The following GALNTL6 variants were observed in gnomAD, a reference collection of about 807,000 sequenced individuals.
The protein encoded by GALNTL6 is polypeptide N-acetylgalactosaminyltransferase like 6.
Under a neutral mutation model 73.7 loss-of-function variants are expected in GALNTL6, and 46 were observed. The ratio of observed to expected loss-of-function variants is 0.62; its 90% CI spans 0.49 to 0.80. GALNTL6 has a LOEUF of 0.80. Ranked by LOEUF, GALNTL6 falls within the 30% of genes least tolerant of loss-of-function variation. GALNTL6 has a pLI of 0.00. For missense variants in GALNTL6, 604 were observed against 755.0 expected, an observed-to-expected ratio of 0.80 and a Z score of 2.34; for synonymous variants, 259 against 263.7, an observed-to-expected ratio of 0.98 and a Z score of 0.17.
Position 171,906,202 on chromosome 4 carries a change from G to T in GALNTL6, c.138+91484G>T, listed in dbSNP as rs1185632525. Among the ~76,000 whole-genome samples the T allele has an allele frequency of 2.0e-5, 3 of 147,672 alleles. No homozygotes were observed. In the East Asian group the frequency reaches 5.9e-4, roughly 29 times the overall value. ...ACCCTTCAAAAAATTAATGAATCCA[G>T]GAGCTGGTTTTTTGAAAGGATCAAC... On this transcript the variant is annotated intron_variant, in intron 2 of 12. Transcript: ENST00000506823.
At chr4:172,284,799 A>G (rs1009349079) in intron 3 of GALNTL6, among the ~76,000 whole-genome samples, 2 of 152,066 alleles carry the variant, frequency 1.3e-5, no homozygotes, top group Non-Finnish European at 2.9e-5. Flanking sequence ...CTGGCTGTGG[A>G]TATGTGGCTT....
rs572230852 is a variant in GALNTL6, at chr4:172,106,533, AACATGT to A, written c.139-123122_139-123117del. ...GGAGATTTTGTGCTATATTGGTACT[AACATGT>A]CAAAGGAAATATAGAACCCTCTTGA... is the stretch of plus-strand genomic sequence containing the variant. On this transcript the variant is annotated intron_variant, in intron 2 of 12. Coordinates refer to ENST00000506823, the MANE Select transcript of GALNTL6 (RefSeq NM_001034845.3). Among the ~76,000 whole-genome samples, 176 of 152,316 alleles carry A rather than the reference AACATGT, an allele frequency of 1.2e-3. 1 individual carries two copies. Among genetic ancestry groups the A allele is most frequent in the African/African-American group, 4.1e-3 (171 of 41,584 alleles).
intron 2 of GALNTL6, among the ~76,000 whole-genome samples, chr4:172,015,746 T>C (rs1311425668): frequency 6.6e-6 from 1 of 151,946 alleles, no homozygotes; most frequent in African/African-American, 2.4e-5. Flanking sequence ...AGTGATGAAT[T>C]CCCTCAGCAT....
chr4:172,435,972 T>C (rs1421331438), intron 5 of GALNTL6, among the ~76,000 whole-genome samples: 1 of 147,468 alleles, frequency 6.8e-6, no homozygotes, highest in Non-Finnish European at 1.5e-5. Flanking sequence ...GAAGGTTTCC[T>C]TTTGGTTGTG....
At chr4:172,949,598 T>TA (rs1352391227) in intron 9 of GALNTL6, among the ~76,000 whole-genome samples, 1 of 152,042 alleles carries the variant, frequency 6.6e-6, no homozygotes, top group Non-Finnish European at 1.5e-5. Context: ...AGTTTTTTTT[T>TA]ATTCTAATCC....
intron 3 of GALNTL6, among the ~76,000 whole-genome samples, chr4:172,278,944 G>T (rs569339030): frequency 1.3e-5 from 2 of 152,198 alleles, no homozygotes; most frequent in South Asian, 4.1e-4. Flanking sequence ...TTCAACAAGG[G>T]TGCCAAGAGT....
chr4:173,015,329 G>C (rs926581382), intron 11 of GALNTL6, among the ~76,000 whole-genome samples: 1 of 152,134 alleles, frequency 6.6e-6, no homozygotes, highest in Non-Finnish European at 1.5e-5. Flanking sequence ...GTAACAGACA[G>C]AGGTTGGAAC....
At chr4:172,269,979 G>A (rs181448808) in intron 3 of GALNTL6, among the ~76,000 whole-genome samples, 1 of 151,972 alleles carries the variant, frequency 6.6e-6, no homozygotes, top group Admixed American at 6.6e-5. Flanking sequence ...CAAGTAATCC[G>A]CCCACCTCGG....
intron 7 of GALNTL6, among the ~76,000 whole-genome samples, chr4:172,866,982 T>G (rs1744696554): frequency 6.6e-6 from 1 of 152,070 alleles, no homozygotes; most frequent in Middle Eastern, 3.2e-3. Context: ...TAGGTTAGAG[T>G]GGAATAGCAA....
chr4:172,433,735 A>G (rs999633426), intron 5 of GALNTL6, among the ~76,000 whole-genome samples: 1 of 151,586 alleles, frequency 6.6e-6, no homozygotes, highest in East Asian at 1.9e-4. Flanking sequence ...ACATCCTTCC[A>G]TTGGGTTATT....
chr4:172,354,856 T>C (rs1381314770), intron 5 of GALNTL6, among the ~76,000 whole-genome samples: 3 of 152,128 alleles, frequency 2.0e-5, no homozygotes, highest in Non-Finnish European at 4.4e-5. Flanking sequence ...TAGTTATATA[T>C]CCTTATTGAG....
At chr4:172,579,788 AGGAAGGAAGGAGGGAAGGAAGGAG>A (rs35672538) in intron 5 of GALNTL6, among the ~76,000 whole-genome samples, 1,670 of 127,070 alleles carry the variant, frequency 0.013, 12 homozygotes, top group African/African-American at 0.028. Context: ...TAAATGAGGA[AGGAAGGAAGGAGGGAAGGAAGGAG>A]GGAAGGAAGG....
chr4:172,812,053 GAT>G (rs1741336980), intron 6 of GALNTL6, among the ~76,000 whole-genome samples: 1 of 136,012 alleles, frequency 7.4e-6, no homozygotes, highest in East Asian at 2.2e-4. Context: ...TGGATGGATG[GAT>G]GGATGAACAG....
At chr4:172,172,003 C>T (rs1045438670) in intron 2 of GALNTL6, among the ~76,000 whole-genome samples, 1 of 152,114 alleles carries the variant, frequency 6.6e-6, no homozygotes, top group Non-Finnish European at 1.5e-5. Context: ...GCCAGTATGT[C>T]TGTAGGTCTA....
chr4:172,574,000 C>T (rs1736864619), intron 5 of GALNTL6, among the ~76,000 whole-genome samples: 2 of 152,024 alleles, frequency 1.3e-5, no homozygotes, highest in Admixed American at 1.3e-4. Flanking sequence ...CTATTAACAC[C>T]ACTTCTTATA....
At chr4:172,609,772 A>G in intron 5 of GALNTL6, among the ~76,000 whole-genome samples, 1 of 151,766 alleles carries the variant, frequency 6.6e-6, no homozygotes, top group Non-Finnish European at 1.5e-5. Context: ...GAATTATACC[A>G]GCTCTTCTTT....
intron 5 of GALNTL6, among the ~76,000 whole-genome samples, chr4:172,639,773 A>G (rs1021378589): frequency 1.3e-5 from 2 of 152,068 alleles, no homozygotes; most frequent in African/African-American, 4.8e-5. Flanking sequence ...ACTTGCTGGC[A>G]TCTGCACTCA....
intron 10 of GALNTL6, among the ~76,000 whole-genome samples, chr4:172,971,777 A>G (rs1400651027): frequency 6.6e-6 from 1 of 152,144 alleles, no homozygotes; most frequent in African/African-American, 2.4e-5. Flanking sequence ...TTAAATACTA[A>G]AGATTGGAAA....
At chr4:172,253,548 A>T (rs2111019850) in intron 3 of GALNTL6, among the ~76,000 whole-genome samples, 1 of 152,052 alleles carries the variant, frequency 6.6e-6, no homozygotes, top group East Asian at 1.9e-4. Context: ...AATAGTGTGT[A>T]AGCCCTGCTA....
Sources: allele counts gnomAD v4.1 joint callset (sites outside exome capture counted in the v4.1 genomes callset), GRCh38; gene constraint gnomAD v4.1.1; transcripts MANE v1.5; gene names NCBI Gene and HGNC (gene_info 2026-07-23, HGNC 2026-07-21).